The following AVEN variants were observed in gnomAD, a reference collection of about 807,000 sequenced individuals.
The protein encoded by AVEN is cell death regulator Aven.
Under a neutral mutation model 38.1 loss-of-function variants are expected in AVEN, and 41 were observed. That is an observed-to-expected ratio of 1.08 (90% CI 0.84 to 1.40). The LOEUF (loss-of-function observed/expected upper bound fraction) is 1.40. AVEN is among the 40% of genes most tolerant of loss of function. The pLI is 0.00. For missense variants in AVEN, 605 were observed against 438.8 expected (o/e 1.38, Z -3.38); for synonymous variants, 206 against 171.8 (o/e 1.20, Z -1.56).
chr15:33,885,059 A>G (rs1891648925), intron 2 of AVEN, among the ~76,000 whole-genome samples: 1 of 152,150 alleles, frequency 6.6e-6, no homozygotes, highest in Non-Finnish European at 1.5e-5. Context: ...CCTCTTCATC[A>G]TGATCATCTT....
intron 5 of AVEN, among the ~76,000 whole-genome samples, chr15:33,867,085 A>G (rs1054496588): frequency 5.9e-5 from 9 of 152,256 alleles, no homozygotes; most frequent in African/African-American, 2.2e-4. Flanking sequence ...CTCACAGGAC[A>G]TGCAGAAATC....
chr15:34,046,042 T>C (rs1899669196), intron 5 of AVEN, among the ~76,000 whole-genome samples: 1 of 152,172 alleles, frequency 6.6e-6, no homozygotes, highest in Non-Finnish European at 1.5e-5. Flanking sequence ...CTGTTAAAGT[T>C]TGAGTAATCA....
intron 2 of AVEN, among the ~76,000 whole-genome samples, chr15:33,961,048 T>C (rs905029745): frequency 2.6e-5 from 4 of 152,226 alleles, no homozygotes; most frequent in Non-Finnish European, 5.9e-5. Context: ...CTGTCCAGGC[T>C]AGAGTGCACT....
chr15:33,859,664 G>C (rs199573561), intron 11 of AVEN: 1 of 1,613,848 alleles, frequency 6.2e-7, no homozygotes, highest in South Asian at 1.1e-5. Context: ...CTTATGAAAT[G>C]TATCGCATTG....
At chr15:34,039,683 A>G (rs1208724578), upstream of AVEN, among the ~76,000 whole-genome samples, 2 of 152,212 alleles carry the variant, frequency 1.3e-5, no homozygotes, top group Non-Finnish European at 2.9e-5. Flanking sequence ...ATGGCTAGAA[A>G]GGGCGTCAAA....
Position 33,867,768 on chromosome 15 carries a change from C to A in AVEN, c.700G>T (p.Gly234Trp), listed in dbSNP as rs61729120. Residue 234 changes from glycine (G) to tryptophan (W), a missense_variant, in exon 5 of 6, where the codon GGG becomes TGG. Transcript: ENST00000306730. ...AAGATGGGCCCCCTTCCTCCAGGCCCCAAGGGCCCCTTTAACTGCATCCCT... is the reference window on the plus strand; with the variant it reads ...AAGATGGGCCCCCTTCCTCCAGGCCACAAGGGCCCCTTTAACTGCATCCCT... ...GLGMQLKGPLGPGGRGPIFEL... is the reference protein window; with the variant it reads ...GLGMQLKGPLWPGGRGPIFEL... The A allele has an allele frequency of 0.015, 24,939 of 1,614,122 alleles. 305 individuals are homozygous for A. The highest frequency in any genetic ancestry group is 0.015 in the Non-Finnish European group (17,327 of 1,180,012).
At chr15:33,962,970 A>G (rs1895254954) in intron 2 of AVEN, among the ~76,000 whole-genome samples, 1 of 150,172 alleles carries the variant, frequency 6.7e-6, no homozygotes, top group Non-Finnish European at 1.5e-5. Flanking sequence ...CTCATACAGA[A>G]GTATAATCAT....
At chr15:33,886,151 G>T (rs1359008158) in intron 2 of AVEN, among the ~76,000 whole-genome samples, 1 of 152,110 alleles carries the variant, frequency 6.6e-6, no homozygotes, top group Non-Finnish European at 1.5e-5. Flanking sequence ...TATCTCTGTT[G>T]ATATGGTTTG....
chr15:33,902,384 T>C (rs1892528191), intron 2 of AVEN, among the ~76,000 whole-genome samples: 3 of 152,270 alleles, frequency 2.0e-5, no homozygotes, highest in Admixed American at 2.0e-4. Context: ...AAGTTAAATA[T>C]TCTTTCTCAA....
chr15:34,027,807 C>T (rs555005683), intron 1 of AVEN, among the ~76,000 whole-genome samples: 2 of 126,636 alleles, frequency 1.6e-5, no homozygotes, highest in Non-Finnish European at 3.2e-5. Context: ...CTACCTGAGG[C>T]AAGGATCAGG....
chr15:34,073,125 C>T (rs966708936), intron 1 of AVEN, among the ~76,000 whole-genome samples: 3 of 151,750 alleles, frequency 2.0e-5, no homozygotes, highest in African/African-American at 7.3e-5. Context: ...ACTGCAAGCT[C>T]CACCTCCCGG....
chr15:33,918,741 CA>C (rs1893267219), intron 2 of AVEN, among the ~76,000 whole-genome samples: 1 of 151,990 alleles, frequency 6.6e-6, no homozygotes, highest in Non-Finnish European at 1.5e-5. Context: ...AGGCAAGAGC[CA>C]CCACACCCAG....
At chr15:33,898,963 G>A (rs1892362674) in intron 2 of AVEN, among the ~76,000 whole-genome samples, 1 of 152,138 alleles carries the variant, frequency 6.6e-6, no homozygotes, top group African/African-American at 2.4e-5. Context: ...CCGAGTAAAG[G>A]GGGAAATATT....
In AVEN at chr15:33,873,140, C is replaced by T. The variant is rs1310565597; in HGVS notation, c.517-2110G>A. Among the ~76,000 whole-genome samples, 4 of 125,272 alleles carry T rather than the reference C, an allele frequency of 3.2e-5. No individual in the cohort carries two copies. The East Asian group carries it at 1.0e-3, about 32-fold the overall frequency. The allele number at this position is 125,272 out of a possible 152,430, so 82.2% of individuals were successfully genotyped here. ...TTTTTGAGATGGAGTCTCTCTGTTG[C>T]CCAGGCTGGAGTGCAATGGCACGAT... On this transcript the variant is annotated intron_variant, in intron 3 of 5. Transcript: ENST00000306730.
rs149288383 is a variant in AVEN at position 33,880,414 on chromosome 15, C to T, written c.446-4419G>A. On this transcript the variant is annotated intron_variant, in intron 2 of 5. Transcript: ENST00000306730. ...GCTGAAGAAAGCTCTGCTAGTCTTA[C>T]AGCACTGGGAGGACAAAAACTAGAG... 1.6e-3 allele frequency among the ~76,000 whole-genome samples: 241 copies of T among 152,284 alleles called. 1 individual carries two copies. The highest frequency in any genetic ancestry group is 0.013 in the Admixed American group (192 of 15,292).
At chr15:33,854,516 TATGCAGGATGCTCAG>T (rs2079439808), downstream of AVEN, 1 of 1,332,044 alleles carries the variant, frequency 7.5e-7, no homozygotes, top group Non-Finnish European at 1.0e-6. Context: ...AGAAGCAAGC[TATGCAGGATGCTCAG>T]AAGGGTTCAG....
downstream of AVEN, chr15:33,866,117 A>G: frequency 6.1e-6 from 1 of 163,166 alleles, no homozygotes; most frequent in Non-Finnish European, 1.4e-5. Context: ...CAGGGTCTGG[A>G]CTCTTGGAAT....
chr15:34,058,308 C>A (rs1483389105), intron 5 of AVEN, among the ~76,000 whole-genome samples: 1 of 151,998 alleles, frequency 6.6e-6, no homozygotes. Context: ...TAAAATTAAC[C>A]ATCACACTAT....
rs906113549 is a variant in AVEN, at chr15:34,002,002, C to T, written c.445+1030G>A. 4.6e-5 allele frequency among the ~76,000 whole-genome samples: 7 copies of T among 152,140 alleles called. No homozygotes were observed. The South Asian group carries it at 1.2e-3, about 27-fold the overall frequency. ...TAACCTGGCAATAATTATTTAGCGA[C>T]GTAATTGCAGATTCACACACAGTTA... On this transcript the variant is annotated intron_variant, in intron 2 of 5. Coordinates refer to ENST00000306730, the MANE Select transcript of AVEN (RefSeq NM_020371.3).
Sources: gnomAD v4.1 joint callset for allele counts (sites outside exome capture counted in the v4.1 genomes callset) on GRCh38, gnomAD v4.1.1 for gene constraint, MANE v1.5 for transcripts, NCBI Gene and HGNC (gene_info 2026-07-23, HGNC 2026-07-21) for gene names.